The following CALN1 variants were observed in gnomAD, a reference collection of about 807,000 sequenced individuals.
The protein encoded by CALN1 is calcium-binding protein 8.
A neutral mutation model predicts 30.6 loss-of-function variants in CALN1; 17 were observed. The observed-to-expected ratio is 0.56, with a 90% CI of 0.38 to 0.83. The LOEUF (loss-of-function observed/expected upper bound fraction) is 0.83, where lower values mean the gene tolerates loss of function less well. Ranked by LOEUF, CALN1 falls within the 40% of genes least tolerant of loss-of-function variation. The probability of loss-of-function intolerance (pLI) is 0.00; values close to 1 mark genes in which losing one functional copy is unlikely to be tolerated. For missense variants in CALN1, 291 were observed against 354.9 expected (o/e 0.82, Z 1.45); for synonymous variants, 156 against 131.4 (o/e 1.19, Z -1.28).
In CALN1 at chr7:71,833,392, G is replaced by A. The variant is rs182660268; in HGVS notation, c.502-22900C>T. Among the ~76,000 whole-genome samples the A allele has an allele frequency of 5.7e-4, 86 of 152,140 alleles. 1 individual carries two copies. The South Asian group carries it at 9.4e-3, about 17-fold the overall frequency. On this transcript the variant is annotated intron_variant, in intron 5 of 6. Coordinates refer to ENST00000395275, the MANE Select transcript of CALN1 (RefSeq NM_031468.4). ...ATGAGTGCACATTGTCCTAAGAAAC[G>A]GGTAAAACAACCAATGCATGGAGGA...
chr7:72,027,947 T>C (rs1057128603), intron 4 of CALN1, among the ~76,000 whole-genome samples: 3 of 149,896 alleles, frequency 2.0e-5, no homozygotes, highest in African/African-American at 7.3e-5. Context: ...TAGTCCCAGC[T>C]ACGTGGGAGG....
Position 71,798,035 on chromosome 7 carries a change from G to A in CALN1, c.659-10133C>T, listed in dbSNP as rs150553406. Among the ~76,000 whole-genome samples, 378 of 151,188 alleles carry A rather than the reference G, an allele frequency of 2.5e-3. 2 individuals are homozygous for A. Among genetic ancestry groups the A allele is most frequent in the African/African-American group, 8.6e-3 (353 of 41,074 alleles). On this transcript the variant is annotated intron_variant, in intron 6 of 6. Transcript: ENST00000395275. ...GTTAAAAAGGACAGAGAGAGGGAGA[G>A]GCAGAGAGCAGGCAAGAGAGAGAGA...
At chr7:71,976,565 T>C (rs957453884) in intron 5 of CALN1, among the ~76,000 whole-genome samples, 2 of 152,220 alleles carry the variant, frequency 1.3e-5, no homozygotes, top group Admixed American at 6.5e-5. Flanking sequence ...TTCCCAGAGA[T>C]GGGAAATGAA....
At chr7:72,437,748 T>G in intron 1 of CALN1, among the ~76,000 whole-genome samples, 1 of 130,490 alleles carries the variant, frequency 7.7e-6, no homozygotes. Flanking sequence ...CACCCTTCCT[T>G]CCTTTCTTTC....
intron 2 of CALN1, among the ~76,000 whole-genome samples, chr7:72,392,039 G>C (rs1046341878): frequency 3.3e-5 from 5 of 152,146 alleles, no homozygotes; most frequent in Non-Finnish European, 7.3e-5. Context: ...TGCCAACCGG[G>C]TTCCATCTGT....
At chr7:72,426,476 C>T (rs965656092) in intron 1 of CALN1, among the ~76,000 whole-genome samples, 8 of 152,208 alleles carry the variant, frequency 5.3e-5, no homozygotes, top group Admixed American at 1.3e-4. Flanking sequence ...GTGAAGGACA[C>T]GTTTGCTTCC....
intron 5 of CALN1, among the ~76,000 whole-genome samples, chr7:71,978,362 C>T (rs2129526947): frequency 6.7e-6 from 1 of 148,780 alleles, no homozygotes; most frequent in Middle Eastern, 3.4e-3. Flanking sequence ...AGCTCCGCCT[C>T]CTGGGTTCAC....
At chr7:72,217,034 G>A (rs549989168) in intron 3 of CALN1, among the ~76,000 whole-genome samples, 25 of 152,174 alleles carry the variant, frequency 1.6e-4, no homozygotes, top group South Asian at 1.5e-3. Context: ...CATCACATCC[G>A]GCCTTCAGCA....
intron 4 of CALN1, among the ~76,000 whole-genome samples, chr7:72,044,597 AAC>A (rs1802345497): frequency 7.9e-6 from 1 of 126,576 alleles, no homozygotes; most frequent in African/African-American, 3.1e-5. Context: ...TTCCGCTTAA[AAC>A]TTTTTTTTTT....
chr7:72,360,545 G>A (rs1269557431), intron 2 of CALN1, among the ~76,000 whole-genome samples: 1 of 151,478 alleles, frequency 6.6e-6, no homozygotes, highest in Non-Finnish European at 1.5e-5. Context: ...CACCTTGGAG[G>A]GGTGGAATGA....
chr7:72,082,836 TTTTA>T (rs1331867251), intron 4 of CALN1, among the ~76,000 whole-genome samples: 1 of 152,188 alleles, frequency 6.6e-6, no homozygotes, highest in Non-Finnish European at 1.5e-5. Context: ...GGTGCGTAGA[TTTTA>T]TTTATTTTAG....
chr7:71,887,214 A>G (rs1792963194), intron 5 of CALN1, among the ~76,000 whole-genome samples: 1 of 152,170 alleles, frequency 6.6e-6, no homozygotes, highest in Non-Finnish European at 1.5e-5. Context: ...CTTGAAACTC[A>G]TACTCAAGTG....
At chr7:72,030,519 T>C (rs1324008857) in intron 4 of CALN1, among the ~76,000 whole-genome samples, 2 of 152,038 alleles carry the variant, frequency 1.3e-5, no homozygotes. Context: ...CCCCCAAAAG[T>C]TATCAGCATT....
upstream of CALN1, chr7:72,412,493 C>T (rs912769259): frequency 2.0e-5 from 3 of 152,202 alleles, no homozygotes; most frequent in African/African-American, 7.2e-5. Flanking sequence ...TTACAGAATG[C>T]TGACTGGTGC....
intron 2 of CALN1, among the ~76,000 whole-genome samples, chr7:72,324,042 G>T (rs1585488306): frequency 1.3e-5 from 2 of 151,844 alleles, no homozygotes; most frequent in East Asian, 3.9e-4. Context: ...GTTTTGTTTT[G>T]TTTTTTTAAA....
chr7:72,010,669 A>G (rs1463671299), intron 5 of CALN1, among the ~76,000 whole-genome samples: 1 of 151,882 alleles, frequency 6.6e-6, no homozygotes, highest in East Asian at 1.9e-4. Context: ...AAAATTAGCC[A>G]GCATGTGGTG....
chr7:72,014,803 A>C (rs1040557191), intron 5 of CALN1, among the ~76,000 whole-genome samples: 2 of 152,062 alleles, frequency 1.3e-5, no homozygotes, highest in African/African-American at 4.8e-5. Context: ...CTGGGACTAC[A>C]GGCATGTCCC....
At chr7:72,277,681 T>G (rs1313776621) in intron 3 of CALN1, among the ~76,000 whole-genome samples, 1 of 152,154 alleles carries the variant, frequency 6.6e-6, no homozygotes, top group Non-Finnish European at 1.5e-5. Flanking sequence ...CCTCCCTCAC[T>G]TCCTGCCTGT....
intron 4 of CALN1, among the ~76,000 whole-genome samples, chr7:72,082,514 G>C (rs1427004007): frequency 6.6e-6 from 1 of 152,158 alleles, no homozygotes; most frequent in African/African-American, 2.4e-5. Context: ...AAACAGAATG[G>C]AAGGAGACCT....
Sources: allele counts gnomAD v4.1 joint callset (sites outside exome capture counted in the v4.1 genomes callset), GRCh38; gene constraint gnomAD v4.1.1; transcripts MANE v1.5; gene names NCBI Gene and HGNC (gene_info 2026-07-23, HGNC 2026-07-21).